Variants in SYT16 observed in about 807,000 individuals in gnomAD.
The protein encoded by SYT16 is synaptotagmin-16.
Under a neutral mutation model 61.4 loss-of-function variants are expected in SYT16, and 42 were observed. That is an observed-to-expected ratio of 0.68 (90% confidence interval 0.53 to 0.89). The LOEUF (loss-of-function observed/expected upper bound fraction) is 0.89. Among genes scored for constraint, SYT16 ranks in the 40% least tolerant of loss-of-function variants. SYT16 has a pLI of 0.00. For synonymous variants in SYT16, 314 were observed against 302.3 expected, an observed-to-expected ratio of 1.04 and a Z score of -0.40; for missense variants, 804 against 807.3, an observed-to-expected ratio of 1.00 and a Z score of 0.05.
Position 62,070,534 on chromosome 14 carries a change from G to C in SYT16, c.736+719G>C, listed in dbSNP as rs904764851. ...GGCAGCCAGCTTGGGATGTTGGGCA[G>C]ACCTTGTTACAGGTCCTCCTCCCCT... On this transcript the variant is annotated intron_variant, in intron 4 of 7. Coordinates refer to ENST00000683842, the MANE Select transcript of SYT16 (RefSeq NM_001367656.1). 2.0e-5 allele frequency among the ~76,000 whole-genome samples: 3 copies of C among 152,292 alleles called. No homozygotes were observed. In the East Asian group the frequency reaches 5.8e-4, roughly 29 times the overall value.
chr14:62,001,003 A>C (rs778455893), intron 3 of SYT16, among the ~76,000 whole-genome samples: 5 of 152,210 alleles, frequency 3.3e-5, no homozygotes, highest in Non-Finnish European at 7.4e-5. Flanking sequence ...TTAAGGCTGC[A>C]GTGAACTGTG....
chr14:61,939,856 C>T (rs1469649608), intron 1 of SYT16, among the ~76,000 whole-genome samples: 1 of 152,158 alleles, frequency 6.6e-6, no homozygotes, highest in Non-Finnish European at 1.5e-5. Flanking sequence ...ACACCTGAGT[C>T]CTATCTATGG....
chr14:61,920,089 G>C (rs550448765), intron 1 of SYT16, among the ~76,000 whole-genome samples: 1 of 151,992 alleles, frequency 6.6e-6, no homozygotes, highest in African/African-American at 2.4e-5. Flanking sequence ...TGTTTCACAC[G>C]CCTGTGCCTT....
intron 7 of SYT16, among the ~76,000 whole-genome samples, chr14:62,099,666 C>G (rs750577926): frequency 9.2e-5 from 14 of 151,978 alleles, no homozygotes; most frequent in Non-Finnish European, 1.6e-4. Context: ...ATGAGATGGT[C>G]CAAAGGATAT....
rs560989547 is a variant in SYT16, at chr14:61,865,429, G to T, written c.-325+52619G>T. ...ACTGGGAAATGAATCACAGAAAGCC[G>T]TGAAGATCCTCCAGGCCTCATCAGC... is the stretch of plus-strand genomic sequence containing the variant. On this transcript the variant is annotated intron_variant, in intron 1 of 7. Coordinates refer to ENST00000683842, the MANE Select transcript of SYT16 (RefSeq NM_001367656.1). Among the ~76,000 whole-genome samples the T allele has an allele frequency of 2.0e-5, 3 of 152,296 alleles. No individual in the cohort carries two copies. In the East Asian group the frequency reaches 5.8e-4, roughly 29 times the overall value.
intron 7 of SYT16, among the ~76,000 whole-genome samples, chr14:62,095,769 G>T (rs1221119374): frequency 2.0e-5 from 3 of 151,586 alleles, no homozygotes; most frequent in African/African-American, 4.8e-5. Flanking sequence ...ATCTTGTTTT[G>T]TTTTTTACAG....
Position 61,998,594 on chromosome 14 carries a change from G to A in SYT16, c.523+2052G>A, listed in dbSNP as rs556552173. Reference sequence around the variant, plus strand: ...GCACCAGTTTGTTGATTGATCAGTTGAGGAATATTTCTGTTGTCTCTAGTT... The same window carrying A: ...GCACCAGTTTGTTGATTGATCAGTTAAGGAATATTTCTGTTGTCTCTAGTT... On this transcript the variant is annotated intron_variant, in intron 3 of 7. Transcript: ENST00000683842. Among the ~76,000 whole-genome samples, 21 of 152,038 alleles carry A rather than the reference G, an allele frequency of 1.4e-4. No homozygotes were observed. In the South Asian group the frequency reaches 4.4e-3, roughly 32 times the overall value.
chr14:61,977,873 T>C (rs1249126042), intron 2 of SYT16, among the ~76,000 whole-genome samples: 2 of 152,200 alleles, frequency 1.3e-5, no homozygotes, highest in African/African-American at 4.8e-5. Flanking sequence ...AAATTATTTT[T>C]GCACAATTCT....
At chr14:62,072,407 C>A (rs960606179) in intron 4 of SYT16, among the ~76,000 whole-genome samples, 1 of 151,974 alleles carries the variant, frequency 6.6e-6, no homozygotes, top group Non-Finnish European at 1.5e-5. Context: ...GTGTGTACCC[C>A]AAGAGATTCA....
intron 1 of SYT16, among the ~76,000 whole-genome samples, chr14:61,901,880 G>T (rs1414423291): frequency 6.6e-6 from 1 of 151,816 alleles, no homozygotes; most frequent in African/African-American, 2.4e-5. Flanking sequence ...TCCTGTCTCA[G>T]CCTCCAGAGT....
intron 1 of SYT16, among the ~76,000 whole-genome samples, chr14:61,912,826 G>C (rs541105257): frequency 6.6e-4 from 100 of 152,258 alleles, no homozygotes; most frequent in African/African-American, 2.4e-3. Flanking sequence ...CCCCATCACT[G>C]TAATCTCTTG....
intron 5 of SYT16, among the ~76,000 whole-genome samples, 166 bp from the exon 6 acceptor site, chr14:62,080,668 A>C (rs2056675295): frequency 1.3e-5 from 2 of 152,230 alleles, no homozygotes; most frequent in African/African-American, 4.8e-5. Flanking sequence ...AAGAATTCAC[A>C]GTTTAATGCA....
intron 3 of SYT16, among the ~76,000 whole-genome samples, chr14:62,044,412 G>A (rs113843950): frequency 1.6e-4 from 24 of 152,022 alleles, no homozygotes; most frequent in Non-Finnish European, 2.2e-4. Context: ...TTTAAGCCCC[G>A]CATGCATTAG....
chr14:61,893,840 C>A (rs536364714), intron 1 of SYT16, among the ~76,000 whole-genome samples: 1 of 152,232 alleles, frequency 6.6e-6, no homozygotes, highest in Non-Finnish European at 1.5e-5. Flanking sequence ...GGTCCCATGT[C>A]CCCCGATTCT....
At chr14:61,952,362 G>A (rs756495162) in intron 1 of SYT16, among the ~76,000 whole-genome samples, 138 of 152,294 alleles carry the variant, frequency 9.1e-4, no homozygotes, top group Admixed American at 3.6e-3. Context: ...AGTGTGCAGG[G>A]AAACTCAGAC....
intron 3 of SYT16, among the ~76,000 whole-genome samples, chr14:62,015,426 C>A (rs1489077192): frequency 3.0e-5 from 4 of 134,496 alleles, no homozygotes; most frequent in Non-Finnish European, 6.4e-5. Context: ...AGAATGCAGC[C>A]GAAGTTCTTA....
chr14:61,865,047 G>A (rs541171853), intron 1 of SYT16: 6 of 1,404,810 alleles, frequency 4.3e-6, no homozygotes, highest in African/African-American at 2.8e-5. Flanking sequence ...ATTCGGCTGC[G>A]GAGCTGCAGG....
chr14:62,010,245 C>A (rs1032063580), intron 3 of SYT16, among the ~76,000 whole-genome samples: 1 of 152,050 alleles, frequency 6.6e-6, no homozygotes, highest in African/African-American at 2.4e-5. Flanking sequence ...TATTCACCAG[C>A]CAAACAAATA....
At chr14:61,928,831 A>T (rs2049642163) in intron 1 of SYT16, among the ~76,000 whole-genome samples, 1 of 152,192 alleles carries the variant, frequency 6.6e-6, no homozygotes, top group Non-Finnish European at 1.5e-5. Context: ...CAGGAACACG[A>T]TAATGAGGAT....
Sources: gnomAD v4.1 joint callset for allele counts (sites outside exome capture counted in the v4.1 genomes callset) on GRCh38, gnomAD v4.1.1 for gene constraint, MANE v1.5 for transcripts, NCBI Gene and HGNC (gene_info 2026-07-23, HGNC 2026-07-21) for gene names.